The following UBR3 variants were observed in gnomAD, a reference collection of about 807,000 sequenced individuals.
The protein encoded by UBR3 is E3 ubiquitin-protein ligase UBR3.
In UBR3, 85 loss-of-function variants were observed where a neutral mutation model predicts 243.2. The observed-to-expected ratio is 0.35, with a 90% CI of 0.29 to 0.42. The LOEUF is 0.42. Among genes scored for constraint, UBR3 ranks in the 10% least tolerant of loss-of-function variants. The probability of loss-of-function intolerance (pLI) is 1.00; values close to 1 mark genes in which losing one functional copy is unlikely to be tolerated. For synonymous variants in UBR3, 748 were observed against 799.8 expected, an observed-to-expected ratio of 0.94 and a Z score of 1.09; for missense variants, 1,686 against 2,300.8, an observed-to-expected ratio of 0.73 and a Z score of 5.47.
chr2:170,077,347 A>G lies in UBR3; in HGVS notation c.5200-2467A>G. 4.4e-6 allele frequency: 4 copies of G among 903,874 alleles called. No individual in the cohort carries two copies. The East Asian group carries it at 9.7e-5, about 22-fold the overall frequency. 56.0% of individuals were successfully genotyped at this position (903,874 alleles called of 1,614,324 possible). A position where few individuals can be genotyped will look rare whatever the true frequency, so the allele number is the denominator to read the frequency against. ...GGCCCAACTCACATTCACCTCAGTAACAGTACCTTTGGTAATAACATCCAA... is the reference window on the plus strand; with the variant it reads ...GGCCCAACTCACATTCACCTCAGTAGCAGTACCTTTGGTAATAACATCCAA... On this transcript the variant is annotated intron_variant, in intron 36 of 38. Coordinates refer to ENST00000272793, the MANE Select transcript of UBR3 (RefSeq NM_172070.4).
chr2:170,037,916 T>A (rs1356820980), intron 31 of UBR3, among the ~76,000 whole-genome samples: 1 of 152,124 alleles, frequency 6.6e-6, no homozygotes, highest in Non-Finnish European at 1.5e-5. Flanking sequence ...TGATTTTAAA[T>A]AATATTGGAA....
At chr2:169,940,287 C>T (rs73015783) in intron 19 of UBR3, among the ~76,000 whole-genome samples, 3 of 152,086 alleles carry the variant, frequency 2.0e-5, no homozygotes, top group Non-Finnish European at 2.9e-5. Flanking sequence ...CTTCTAAGTA[C>T]TACTTTAGTT....
chr2:170,002,946 T>G (rs1178516357), intron 27 of UBR3, among the ~76,000 whole-genome samples: 4 of 152,156 alleles, frequency 2.6e-5, no homozygotes, highest in Non-Finnish European at 1.5e-5. Context: ...CTTACGCTCC[T>G]GAGTTCAAGC....
intron 30 of UBR3, among the ~76,000 whole-genome samples, chr2:170,019,008 C>CAT (rs2090319494): frequency 6.6e-6 from 1 of 152,112 alleles, no homozygotes. Context: ...AATATTGGAG[C>CAT]ATAATATAAA....
chr2:169,965,994 AT>A (rs2087789729), intron 24 of UBR3, among the ~76,000 whole-genome samples: 1 of 152,182 alleles, frequency 6.6e-6, no homozygotes, highest in African/African-American at 2.4e-5. Context: ...AATATAGTAC[AT>A]TATTAGGTAG....
intron 19 of UBR3, among the ~76,000 whole-genome samples, chr2:169,937,205 G>A (rs1410045130): frequency 1.3e-5 from 2 of 152,200 alleles, no homozygotes; most frequent in East Asian, 3.8e-4. Context: ...CATTCTAACT[G>A]GTGTGAGATG....
intron 24 of UBR3, among the ~76,000 whole-genome samples, chr2:169,981,171 T>C (rs752824847): frequency 5.3e-5 from 8 of 152,178 alleles, no homozygotes; most frequent in Non-Finnish European, 8.8e-5. Flanking sequence ...CCTAGTATTT[T>C]ATGTAGAGCC....
At chr2:169,903,621 C>T (rs1365406301) in intron 8 of UBR3, among the ~76,000 whole-genome samples, 1 of 152,066 alleles carries the variant, frequency 6.6e-6, no homozygotes. Flanking sequence ...GGACTGAAAC[C>T]TAAGTTTAAT....
intron 19 of UBR3, among the ~76,000 whole-genome samples, chr2:169,940,542 C>A (rs1387138301): frequency 1.3e-5 from 2 of 152,098 alleles, no homozygotes; most frequent in African/African-American, 2.4e-5. Flanking sequence ...TATAAATATT[C>A]TAAGCGCTGT....
At position 169,929,402 on chromosome 2, in the gene UBR3, C is replaced by T. The variant is rs78785849; in HGVS notation, c.2566+534C>T. 4.2e-4 allele frequency among the ~76,000 whole-genome samples: 64 copies of T among 152,078 alleles called. No homozygotes were observed. The East Asian group carries it at 0.01, about 24-fold the overall frequency. On this transcript the variant is annotated intron_variant, in intron 18 of 38. Transcript: ENST00000272793. ...CCATCCTGGCCAACATGATGAAACCCGTCTCTATTAAAAATGCAAAAAAAT... is the reference window on the plus strand; with the variant it reads ...CCATCCTGGCCAACATGATGAAACCTGTCTCTATTAAAAATGCAAAAAAAT...
At chr2:169,925,820 G>A in intron 14 of UBR3, 73 bp downstream of exon 14, 1 of 1,358,872 alleles carries the variant, frequency 7.4e-7, no homozygotes, top group Non-Finnish European at 9.7e-7. Context: ...AATTTATAGA[G>A]GTGACTGCGT....
intron 30 of UBR3, among the ~76,000 whole-genome samples, chr2:170,017,578 CACACAG>C (rs373881851): frequency 0.19 from 27,368 of 142,612 alleles, 2,678 homozygotes; most frequent in East Asian, 0.35. Context: ...CACACACACA[CACACAG>C]GGGGAGAAGG....
Position 170,082,837 on chromosome 2 carries a change from T to C in UBR3, c.*994T>C, listed in dbSNP as rs1441508904. 1 of 152,230 alleles carries C rather than the reference T, an allele frequency of 6.6e-6. No homozygotes were observed. The highest frequency in any genetic ancestry group is 1.5e-5 in the Non-Finnish European group (1 of 68,014). 9.4% of individuals were successfully genotyped at this position (152,230 alleles called of 1,614,324 possible). A position where few individuals can be genotyped will look rare whatever the true frequency, so the allele number is the denominator to read the frequency against. On this transcript the variant is annotated 3_prime_UTR_variant, in exon 39 of 39. Transcript: ENST00000272793. ...TAATCACTACTATTTCTGCTCGGTT[T>C]CCTAAAAGGAAAAAAAAGGCGCAGT...
chr2:169,945,102 C>T (rs2086736132), intron 20 of UBR3, among the ~76,000 whole-genome samples: 1 of 151,804 alleles, frequency 6.6e-6, no homozygotes, highest in African/African-American at 2.4e-5. Context: ...ATCCTTACAA[C>T]AATTCTGGGC....
chr2:169,836,002 T>C (rs1385989924), intron 1 of UBR3, among the ~76,000 whole-genome samples: 4,073 of 15,244 alleles, frequency 0.27, 518 homozygotes, highest in East Asian at 0.45. Flanking sequence ...TGTCTCTCTC[T>C]CTCTCTCTCT....
chr2:169,878,450 A>G, intron 4 of UBR3, 75 bp from the exon 5 acceptor site: 3 of 1,391,142 alleles, frequency 2.2e-6, no homozygotes, highest in African/African-American at 1.4e-5. Context: ...TGATATTTGT[A>G]TTTCTCAGAA....
chr2:170,081,451 G>C (rs2091904582), intron 38 of UBR3, among the ~76,000 whole-genome samples: 1 of 152,084 alleles, frequency 6.6e-6, no homozygotes, highest in Admixed American at 6.5e-5. Flanking sequence ...AGTGAGCCAA[G>C]ATCGTGCCAC....
chr2:169,891,330 A>AG, intron 6 of UBR3, 99 bp downstream of exon 6: 1 of 807,044 alleles, frequency 1.2e-6, no homozygotes, highest in Non-Finnish European at 2.0e-6. Flanking sequence ...CTGACATCAA[A>AG]GCTGTTTGAA....
At chr2:169,959,566 T>G (rs1487147460) in intron 24 of UBR3, among the ~76,000 whole-genome samples, 4 of 152,100 alleles carry the variant, frequency 2.6e-5, no homozygotes. Context: ...ATTAGGTTTT[T>G]CCAGAGGGAC....
Sources: gnomAD v4.1 joint callset for allele counts (sites outside exome capture counted in the v4.1 genomes callset) on GRCh38, gnomAD v4.1.1 for gene constraint, MANE v1.5 for transcripts, NCBI Gene and HGNC (gene_info 2026-07-23, HGNC 2026-07-21) for gene names.